Variants in DLC1 observed in about 807,000 individuals in gnomAD.
DLC1 encodes DLC1 Rho GTPase activating protein.
In DLC1, 54 loss-of-function variants were observed where a neutral mutation model predicts 140.3. That is an observed-to-expected ratio of 0.38 (90% CI 0.31 to 0.48). The LOEUF is 0.48. DLC1 is among the 20% of genes least tolerant of loss of function. The pLI is 0.96. For synonymous variants in DLC1, 986 were observed against 728.1 expected, an observed-to-expected ratio of 1.35 and a Z score of -5.70; for missense variants, 2,536 against 1,907.0, an observed-to-expected ratio of 1.33 and a Z score of -6.14.
intron 5 of DLC1, among the ~76,000 whole-genome samples, chr8:13,161,706 A>T (rs753640266): frequency 3.7e-4 from 56 of 152,244 alleles, no homozygotes; most frequent in Non-Finnish European, 6.2e-4. Flanking sequence ...TCTGTTCCTT[A>T]TGGAAATGTC....
chr8:13,484,551 C>T (rs1800879154), intron 2 of DLC1, among the ~76,000 whole-genome samples: 2 of 152,094 alleles, frequency 1.3e-5, no homozygotes, highest in South Asian at 2.1e-4. Context: ...TTTTAAACTC[C>T]TTCCTTAAGG....
At chr8:13,498,370 G>A (rs1236142613) in intron 2 of DLC1, among the ~76,000 whole-genome samples, 2 of 152,184 alleles carry the variant, frequency 1.3e-5, no homozygotes, top group Non-Finnish European at 2.9e-5. Context: ...CTTCGCAGGG[G>A]AGGATGGCAT....
chr8:13,339,693 T>A (rs1833954469), intron 4 of DLC1: 1 of 152,210 alleles, frequency 6.6e-6, no homozygotes, highest in African/African-American at 2.4e-5. Flanking sequence ...GCATATGTAT[T>A]TTTTTGTTAA....
intron 1 of DLC1, among the ~76,000 whole-genome samples, chr8:13,545,942 T>A (rs1012302716): frequency 1.3e-5 from 2 of 152,104 alleles, no homozygotes; most frequent in South Asian, 4.1e-4. Context: ...CATATTACTA[T>A]TTTAAAGCCC....
At chr8:13,164,348 GTCTCTCTC>G (rs60999030) in intron 5 of DLC1, among the ~76,000 whole-genome samples, 84 of 150,516 alleles carry the variant, frequency 5.6e-4, no homozygotes, top group African/African-American at 1.6e-3. Context: ...CTGTCTGTCT[GTCTCTCTC>G]TCTGTCTGTC....
rs189350440 is a variant in DLC1 at position 13,527,489 on chromosome 8, C to T, written c.-125-27293G>A. On this transcript the variant is annotated intron_variant, in intron 1 of 1. Transcript: ENST00000631382. ...TTTATATATTATTGAATTTAATTTG[C>T]GGATATTAAGGAAAACGATGTTATG... Among the ~76,000 whole-genome samples, 572 of 152,018 alleles carry T rather than the reference C, an allele frequency of 3.8e-3. 2 individuals are homozygous for T. Among genetic ancestry groups the T allele is most frequent in the African/African-American group, 0.012 (516 of 41,472 alleles).
chr8:13,274,933 C>G (rs1417806012), intron 5 of DLC1, among the ~76,000 whole-genome samples: 2 of 152,136 alleles, frequency 1.3e-5, no homozygotes, highest in Non-Finnish European at 2.9e-5. Flanking sequence ...AATCTTACAT[C>G]TTAAACTTCT....
chr8:13,448,805 C>G (rs1585125765), intron 2 of DLC1, among the ~76,000 whole-genome samples: 1 of 152,110 alleles, frequency 6.6e-6, no homozygotes, highest in African/African-American at 2.4e-5. Context: ...CAGATTAGGT[C>G]ATTTCTAATA....
intron 4 of DLC1, among the ~76,000 whole-genome samples, chr8:13,357,941 C>A (rs942888917): frequency 1.6e-4 from 25 of 151,988 alleles, no homozygotes; most frequent in Non-Finnish European, 4.4e-5. Flanking sequence ...TACAGATTTT[C>A]AAAAATGCCT....
At chr8:13,269,828 C>T (rs1021667510) in intron 5 of DLC1, among the ~76,000 whole-genome samples, 1 of 150,570 alleles carries the variant, frequency 6.6e-6, no homozygotes, top group Non-Finnish European at 1.5e-5. Context: ...GAGGCTGAAG[C>T]AGGCGGATCA....
intron 10 of DLC1, among the ~76,000 whole-genome samples, chr8:13,096,549 C>T (rs951875259): frequency 3.2e-4 from 48 of 152,086 alleles, no homozygotes; most frequent in African/African-American, 1.0e-3. Context: ...AAAAGCCCGA[C>T]GGCGGAATGT....
chr8:13,593,419 G>A (rs1456600530), intron 1 of DLC1, among the ~76,000 whole-genome samples: 1 of 152,104 alleles, frequency 6.6e-6, no homozygotes, highest in East Asian at 1.9e-4. Context: ...AATTTGCACT[G>A]ATCGGTGAAA....
intron 5 of DLC1, among the ~76,000 whole-genome samples, chr8:13,118,961 A>T (rs548836534): frequency 7.9e-5 from 12 of 151,968 alleles, no homozygotes; most frequent in African/African-American, 2.7e-4. Flanking sequence ...CTGTGCGGTG[A>T]CTCACGTTTG....
intron 4 of DLC1, among the ~76,000 whole-genome samples, chr8:13,386,325 T>C (rs1203502232): frequency 6.6e-6 from 1 of 152,136 alleles, no homozygotes; most frequent in East Asian, 1.9e-4. Context: ...GATACTTAAT[T>C]AACCAGATTA....
Position 13,085,322 on chromosome 8 carries a change from T to C in DLC1, c.*489A>G, listed in dbSNP as rs555413948. ...ACACTGAATCCACCTTAGACATCTA[T>C]TGCCATTCAGCCAGCAACAAACACA... On this transcript the variant is annotated 3_prime_UTR_variant, in exon 18 of 18. Coordinates refer to ENST00000276297, the MANE Select transcript of DLC1 (RefSeq NM_182643.3). The C allele has an allele frequency of 1.2e-3, 185 of 153,456 alleles. No individual in the cohort carries two copies. Among genetic ancestry groups the C allele is most frequent in the Non-Finnish European group, 1.9e-3 (129 of 68,540 alleles). 9.5% of individuals were successfully genotyped at this position (153,456 alleles called of 1,614,324 possible). A position where few individuals can be genotyped will look rare whatever the true frequency, so the allele number is the denominator to read the frequency against.
intron 4 of DLC1, among the ~76,000 whole-genome samples, chr8:13,390,318 T>A (rs1418309445): frequency 6.6e-6 from 1 of 152,224 alleles, no homozygotes; most frequent in Non-Finnish European, 1.5e-5. Context: ...TATGGCTGCA[T>A]AGTATTCCAT....
At chr8:13,443,380 C>G (rs904480443) in intron 2 of DLC1, among the ~76,000 whole-genome samples, 16 of 148,856 alleles carry the variant, frequency 1.1e-4, no homozygotes, top group African/African-American at 3.9e-4. Flanking sequence ...CCAAATGAGG[C>G]CAGGCATGGT....
chr8:13,425,648 A>T (rs1838539947), intron 2 of DLC1, among the ~76,000 whole-genome samples: 1 of 118,840 alleles, frequency 8.4e-6, no homozygotes, highest in South Asian at 3.5e-4. Context: ...AGTCAATATC[A>T]TTATTATACT....
At chr8:13,138,050 G>GCCTACT (rs1822700733) in intron 5 of DLC1, among the ~76,000 whole-genome samples, 2 of 152,132 alleles carry the variant, frequency 1.3e-5, no homozygotes, top group African/African-American at 4.8e-5. Flanking sequence ...ACTGGCTTTG[G>GCCTACT]TTCCTACTCT....
Sources: allele counts gnomAD v4.1 joint callset (sites outside exome capture counted in the v4.1 genomes callset), GRCh38; gene constraint gnomAD v4.1.1; transcripts MANE v1.5; gene names NCBI Gene and HGNC (gene_info 2026-07-23, HGNC 2026-07-21).